NF1: variants seen among roughly 807,000 people sequenced by gnomAD.
NF1 encodes neurofibromin 1.
In NF1, 122 loss-of-function variants were observed where a neutral mutation model predicts 325.7. The observed-to-expected ratio is 0.37, with a 90% CI of 0.32 to 0.44. The LOEUF is 0.44. NF1 is among the 20% of genes least tolerant of loss of function. The pLI is 1.00. For synonymous variants in NF1, 1,091 were observed against 1,186.0 expected, an observed-to-expected ratio of 0.92 and a Z score of 1.65; for missense variants, 2,140 against 3,415.4, an observed-to-expected ratio of 0.63 and a Z score of 9.31.
chr17:31,158,207 G>A (rs17880364), intron 2 of NF1, among the ~76,000 whole-genome samples: 5,089 of 152,186 alleles, frequency 0.033, 314 homozygotes, highest in African/African-American at 0.12. Context: ...CATCCTTGGT[G>A]TGTTTCCTTT....
At chr17:31,263,075 A>ATAGGTAGG (rs869183381) in intron 35 of NF1, among the ~76,000 whole-genome samples, 104 of 140,646 alleles carry the variant, frequency 7.4e-4, no homozygotes, top group African/African-American at 2.3e-3. Context: ...AGGTAGATAG[A>ATAGGTAGG]TAGGTAGGTA....
intron 36 of NF1, among the ~76,000 whole-genome samples, chr17:31,286,022 A>G (rs2068220358): frequency 6.6e-6 from 1 of 152,226 alleles, no homozygotes; most frequent in Non-Finnish European, 1.5e-5. Context: ...TAGTCAACTC[A>G]TAGTTAATAT....
intron 11 of NF1, among the ~76,000 whole-genome samples, chr17:31,205,004 C>G (rs1262820704): frequency 6.6e-6 from 1 of 152,078 alleles, no homozygotes; most frequent in Non-Finnish European, 1.5e-5. Context: ...AAAATGTAAA[C>G]AACCATACTG....
At position 31,377,292 on chromosome 17, in the gene NF1, G is replaced by A. The variant is rs988706422; in HGVS notation, c.*3137G>A. The A allele has an allele frequency of 3.9e-5, 9 of 233,072 alleles. No homozygotes were observed. The highest frequency in any genetic ancestry group is 2.8e-4 in the Admixed American group (5 of 17,766). 14.4% of individuals were successfully genotyped at this position (233,072 alleles called of 1,614,324 possible). On this transcript the variant is annotated 3_prime_UTR_variant, in exon 58 of 58. Coordinates refer to ENST00000358273, the MANE Select transcript of NF1 (RefSeq NM_001042492.3). ...ATATATTGTATTATTTTGCTTTTTTGTAAAGCAGTTAGTTGCTGCACATGG... is the reference window on the plus strand; with the variant it reads ...ATATATTGTATTATTTTGCTTTTTTATAAAGCAGTTAGTTGCTGCACATGG...
At chr17:31,277,336 C>T (rs572383391) in intron 36 of NF1, among the ~76,000 whole-genome samples, 18 of 152,244 alleles carry the variant, frequency 1.2e-4, no homozygotes, top group Admixed American at 3.9e-4. Context: ...CTTCTATCAA[C>T]GCCTACTAGA....
chr17:31,195,858 C>T (rs1280841879), intron 8 of NF1, among the ~76,000 whole-genome samples: 2 of 151,794 alleles, frequency 1.3e-5, no homozygotes, highest in Non-Finnish European at 2.9e-5. Context: ...CAGTTGTTTC[C>T]ACCTTTTGGC....
chr17:31,350,107 T>G (rs1039498785), intron 49 of NF1, 76 bp from the exon 50 acceptor site: 1 of 1,499,462 alleles, frequency 6.7e-7, no homozygotes, highest in Admixed American at 1.7e-5. Context: ...TTTAGGAGAC[T>G]GTAAGAAGTT....
chr17:31,258,759 T>C (rs1456063114), intron 32 of NF1, among the ~76,000 whole-genome samples: 1 of 152,160 alleles, frequency 6.6e-6, no homozygotes, highest in Non-Finnish European at 1.5e-5. Context: ...ATTCTAGACA[T>C]TCTGAAACAG....
chr17:31,126,668 G>C (rs1355330481), intron 1 of NF1, among the ~76,000 whole-genome samples: 1 of 151,782 alleles, frequency 6.6e-6, no homozygotes, highest in Non-Finnish European at 1.5e-5. Flanking sequence ...TCTTGAATTC[G>C]TGAGCTCCAG....
chr17:31,133,176 A>T (rs187216334), intron 1 of NF1: 1 of 152,130 alleles, frequency 6.6e-6, no homozygotes, highest in African/African-American at 2.4e-5. Flanking sequence ...GGAAACCACC[A>T]TTCTACTTTC....
At chr17:31,307,435 A>G (rs114759920) in intron 36 of NF1, among the ~76,000 whole-genome samples, 3,928 of 152,334 alleles carry the variant, frequency 0.026, 188 homozygotes, top group African/African-American at 0.089. Context: ...TTAAAAGTCT[A>G]TAAAAACTAA....
chr17:31,117,672 C>CAAAAAAAAAAAAAAAAAAAA (rs780828438), intron 1 of NF1, among the ~76,000 whole-genome samples: 1 of 19,814 alleles, frequency 5.0e-5, no homozygotes, highest in African/African-American at 1.2e-4. Flanking sequence ...AACTCCATCT[C>CAAAAAAAAAAAAAAAAAAAA]AAAAAAAAAA....
chr17:31,336,268 A>AT lies in NF1; in HGVS notation c.6007-59dup. On this transcript the variant is annotated intron_variant, in intron 40 of 57. Transcript: ENST00000358273. The surrounding 1 kb of genome is among the most constrained non-coding windows in gnomAD (Gnocchi z 5.5). ...TATTGATTAGGCTGTTCCAATGAATATTTTTTAATTAAAAATTAAATTGGT... is the reference window on the plus strand; with the variant it reads ...TATTGATTAGGCTGTTCCAATGAATATTTTTTTAATTAAAAATTAAATTGGT... 6.5e-7 allele frequency: 1 copy of AT among 1,548,514 alleles called. No individual in the cohort carries two copies. Among genetic ancestry groups the AT allele is most frequent in the Non-Finnish European group, 8.8e-7 (1 of 1,132,006 alleles).
At chr17:31,204,779 G>C (rs1881443497) in intron 11 of NF1, among the ~76,000 whole-genome samples, 1 of 152,032 alleles carries the variant, frequency 6.6e-6, no homozygotes, top group Non-Finnish European at 1.5e-5. Flanking sequence ...GGGTAAGGAA[G>C]ACCCTTCACT....
intron 12 of NF1, among the ~76,000 whole-genome samples, chr17:31,207,652 T>C (rs2143923852): frequency 6.6e-6 from 1 of 152,300 alleles, no homozygotes; most frequent in East Asian, 1.9e-4. Flanking sequence ...TACTTCACTT[T>C]TTTTTAAGTT....
intron 57 of NF1, among the ~76,000 whole-genome samples, chr17:31,363,735 A>AT (rs1289252413): frequency 3.7e-4 from 50 of 133,364 alleles, no homozygotes; most frequent in Admixed American, 8.4e-4. Context: ...TGCGCCCAGC[A>AT]TTTTTTTTTT....
rs895217993 is a variant in NF1, at chr17:31,374,521, C to T, written c.*366C>T. ...TGATGAAAGCCATTTGCACAGAGCTCTGCCTTCTGTGGTTTTCCCTTCTTC... is the reference window on the plus strand; with the variant it reads ...TGATGAAAGCCATTTGCACAGAGCTTTGCCTTCTGTGGTTTTCCCTTCTTC... On this transcript the variant is annotated 3_prime_UTR_variant, in exon 58 of 58. Transcript: ENST00000358273. The T allele has an allele frequency of 2.4e-6, 1 of 413,632 alleles. No homozygotes were observed. Among genetic ancestry groups the T allele is most frequent in the African/African-American group, 2.0e-5 (1 of 50,338 alleles). 25.6% of individuals were successfully genotyped at this position (413,632 alleles called of 1,614,324 possible).
intron 36 of NF1, chr17:31,304,500 A>G (rs572104724): frequency 6.2e-7 from 1 of 1,614,204 alleles, no homozygotes; most frequent in Non-Finnish European, 8.5e-7. Context: ...GGAGACTAGT[A>G]GAATCATTTG....
In NF1 at chr17:31,256,239, G is replaced by A. The variant is rs190809907; in HGVS notation, c.4174-2105G>A. Among the ~76,000 whole-genome samples, 5 of 152,288 alleles carry A rather than the reference G, an allele frequency of 3.3e-5. No homozygotes were observed. The East Asian group carries it at 9.6e-4, about 29-fold the overall frequency. On this transcript the variant is annotated intron_variant, in intron 31 of 57. Transcript: ENST00000358273. Reference sequence around the variant, plus strand: ...TGCAACCTCCACCTCCTGGGTTTAAGCGATTCTCCTGCCTTAGCCTTCCAA... The same window carrying A: ...TGCAACCTCCACCTCCTGGGTTTAAACGATTCTCCTGCCTTAGCCTTCCAA...
Sources: gnomAD v4.1 joint callset for allele counts (sites outside exome capture counted in the v4.1 genomes callset) on GRCh38, gnomAD v4.1.1 for gene constraint, Gnocchi (gnomAD v3.1) non-coding constraint, MANE v1.5 for transcripts, NCBI Gene and HGNC (gene_info 2026-07-23, HGNC 2026-07-21) for gene names.